PTPRN2: variants seen among roughly 807,000 people sequenced by gnomAD.
PTPRN2 encodes protein tyrosine phosphatase receptor type N2.
PTPRN2 carries 74 observed loss-of-function variants against 118.8 expected under a neutral mutation model. That is an observed-to-expected ratio of 0.62 (90% CI 0.52 to 0.76). The LOEUF is 0.76. Among genes scored for constraint, PTPRN2 ranks in the 30% least tolerant of loss-of-function variants. The pLI is 0.00. For missense variants in PTPRN2, 1,481 were observed against 1,394.4 expected, an observed-to-expected ratio of 1.06 and a Z score of -0.99; for synonymous variants, 641 against 608.0, an observed-to-expected ratio of 1.05 and a Z score of -0.80.
intron 2 of PTPRN2, among the ~76,000 whole-genome samples, chr7:158,372,637 CCCACCACGCTGGTTCCCGGAGCTGATCT>C (rs1287657125): frequency 6.7e-6 from 1 of 149,974 alleles, no homozygotes; most frequent in African/African-American, 2.4e-5. Context: ...GGAGCTGGTC[CCCACCACGCTGGTTCCCGGAGCTGATCT>C]CCACCACGCT....
At chr7:158,273,805 AGGGGGAGCCGCAGGCAT>A (rs1798722906) in intron 3 of PTPRN2, among the ~76,000 whole-genome samples, 5 of 75,616 alleles carry the variant, frequency 6.6e-5, no homozygotes, top group East Asian at 4.7e-4. Context: ...CCGCAGACAC[AGGGGGAGCCGCAGGCAT>A]GGGGGAGCCG....
intron 12 of PTPRN2, among the ~76,000 whole-genome samples, chr7:157,851,008 C>T (rs912040632): frequency 6.6e-6 from 1 of 152,164 alleles, no homozygotes; most frequent in Admixed American, 6.5e-5. Flanking sequence ...GCGGAATGGG[C>T]GGGCTGTCGA....
chr7:157,841,656 C>G (rs1396972671), intron 12 of PTPRN2, among the ~76,000 whole-genome samples: 1 of 152,184 alleles, frequency 6.6e-6, no homozygotes, highest in Non-Finnish European at 1.5e-5. Context: ...CTGGCGGACT[C>G]TGAGGCTCAT....
intron 2 of PTPRN2, among the ~76,000 whole-genome samples, chr7:158,366,304 T>C (rs1408725890): frequency 2.4e-5 from 3 of 123,094 alleles, no homozygotes; most frequent in Admixed American, 8.8e-5. Context: ...TGCAGCCCAA[T>C]GCACGTGTGC....
chr7:157,750,004 G>C (rs1801364756), intron 12 of PTPRN2, among the ~76,000 whole-genome samples: 1 of 152,012 alleles, frequency 6.6e-6, no homozygotes, highest in Admixed American at 6.6e-5. Flanking sequence ...GTGTCCCTGA[G>C]CTGTAGACTG....
At chr7:158,121,678 C>T (rs1451947075) in intron 9 of PTPRN2, among the ~76,000 whole-genome samples, 1 of 152,196 alleles carries the variant, frequency 6.6e-6, no homozygotes, top group Non-Finnish European at 1.5e-5. Flanking sequence ...ATCCACAAGA[C>T]TCCTACAACA....
At chr7:157,810,023 C>T (rs1805884944) in intron 12 of PTPRN2, among the ~76,000 whole-genome samples, 1 of 152,192 alleles carries the variant, frequency 6.6e-6, no homozygotes, top group Non-Finnish European at 1.5e-5. Context: ...GAGCTGGAAG[C>T]CGGGGCCACC....
chr7:158,140,481 G>A (rs1031859192), intron 6 of PTPRN2, among the ~76,000 whole-genome samples: 16 of 152,168 alleles, frequency 1.1e-4, no homozygotes, highest in East Asian at 5.8e-4. Context: ...GCAGGAGAGC[G>A]GATAAGGAGG....
intron 2 of PTPRN2, among the ~76,000 whole-genome samples, chr7:158,348,492 G>T (rs113290813): frequency 5.3e-4 from 69 of 129,294 alleles, no homozygotes; most frequent in Admixed American, 7.7e-4. Flanking sequence ...CCACCCTGGG[G>T]TCCCCATTCA....
chr7:157,660,488 T>C (rs1364156074), intron 13 of PTPRN2, among the ~76,000 whole-genome samples: 1 of 152,234 alleles, frequency 6.6e-6, no homozygotes, highest in Admixed American at 6.5e-5. Context: ...AAACTTTTCA[T>C]GTGAACTTGG....
intron 2 of PTPRN2, among the ~76,000 whole-genome samples, chr7:158,480,467 AC>A (rs1820576086): frequency 6.6e-6 from 1 of 152,134 alleles, no homozygotes; most frequent in Non-Finnish European, 1.5e-5. Context: ...CTAATTAGCA[AC>A]CCTACAGTGG....
intron 12 of PTPRN2, among the ~76,000 whole-genome samples, chr7:157,775,433 A>T (rs1448536697): frequency 6.6e-6 from 1 of 152,212 alleles, no homozygotes; most frequent in Non-Finnish European, 1.5e-5. Context: ...GGGCCGAGGG[A>T]TGGAAGGAAA....
At chr7:158,378,099 C>T (rs1002746971) in intron 2 of PTPRN2, among the ~76,000 whole-genome samples, 1 of 152,218 alleles carries the variant, frequency 6.6e-6, no homozygotes, top group African/African-American at 2.4e-5. Flanking sequence ...CTCCTCCTGA[C>T]TCCTCCAGCT....
At position 158,248,983 on chromosome 7, in the gene PTPRN2, CAT is replaced by C. The variant is rs374006761; in HGVS notation, c.278-43712_278-43711del. On this transcript the variant is annotated intron_variant, in intron 3 of 22. Coordinates refer to ENST00000389418, the MANE Select transcript of PTPRN2 (RefSeq NM_002847.5). ...CATGCACATACACGTGCACACCACA[CAT>C]ATGCACACATCACACATGCAGCACA... Among the ~76,000 whole-genome samples, 52 of 152,136 alleles carry C rather than the reference CAT, an allele frequency of 3.4e-4. No homozygotes were observed. In the East Asian group the frequency reaches 4.1e-3, roughly 12 times the overall value.
At chr7:157,595,928 A>G (rs1329347837) in intron 16 of PTPRN2, among the ~76,000 whole-genome samples, 3 of 152,250 alleles carry the variant, frequency 2.0e-5, no homozygotes, top group Admixed American at 2.0e-4. Flanking sequence ...CAAGGAGGGC[A>G]GGCAGCCGTT....
Position 158,387,281 on chromosome 7 carries a change from C to T in PTPRN2, c.164-70349G>A, listed in dbSNP as rs556763085. Among the ~76,000 whole-genome samples the T allele has an allele frequency of 3.3e-4, 51 of 152,270 alleles. 1 individual carries two copies. Among genetic ancestry groups the T allele is most frequent in the Middle Eastern group, 3.4e-3 (1 of 294 alleles). On this transcript the variant is annotated intron_variant, in intron 2 of 22. Coordinates refer to ENST00000389418, the MANE Select transcript of PTPRN2 (RefSeq NM_002847.5). ...TTTCAGAACTGTAAACACAGATGCC[C>T]AATTCACATAGACACTGAAATCACA...
rs1801871373 is a variant in PTPRN2, at chr7:157,604,210, G to A, written c.2345-135C>T. The A allele has an allele frequency of 3.9e-6, 3 of 774,784 alleles. No individual in the cohort carries two copies. The South Asian group carries it at 5.0e-5, about 13-fold the overall frequency. 48.0% of individuals were successfully genotyped at this position (774,784 alleles called of 1,614,324 possible). A position where few individuals can be genotyped will look rare whatever the true frequency, so the allele number is the denominator to read the frequency against. ...CCTCCAGGGTCCATCACACAGCAGT[G>A]TGGGACTCCCAAACAGCCTCCAGGG... On this transcript the variant is annotated intron_variant, in intron 15 of 22. Transcript: ENST00000389418.
At chr7:158,408,548 A>C (rs1490139733) in intron 2 of PTPRN2, among the ~76,000 whole-genome samples, 1 of 152,214 alleles carries the variant, frequency 6.6e-6, no homozygotes, top group Non-Finnish European at 1.5e-5. Flanking sequence ...TTCATTACTT[A>C]TTTCCAGAAA....
intron 1 of PTPRN2, among the ~76,000 whole-genome samples, chr7:158,542,186 T>C (rs1040231887): frequency 6.6e-6 from 1 of 152,248 alleles, no homozygotes; most frequent in Non-Finnish European, 1.5e-5. Context: ...AGTCTTGCTC[T>C]GTCACCCAGC....
Sources: gnomAD v4.1 joint callset for allele counts (sites outside exome capture counted in the v4.1 genomes callset) on GRCh38, gnomAD v4.1.1 for gene constraint, MANE v1.5 for transcripts, NCBI Gene and HGNC (gene_info 2026-07-23, HGNC 2026-07-21) for gene names.